Variants in CHL1 observed in about 807,000 individuals in gnomAD.
CHL1 encodes neural cell adhesion molecule L1-like protein.
In CHL1, 96 loss-of-function variants were observed where a neutral mutation model predicts 141.9. The ratio of observed to expected loss-of-function variants is 0.68; its 90% CI spans 0.57 to 0.80. The LOEUF (loss-of-function observed/expected upper bound fraction) is 0.80. CHL1 is among the 30% of genes least tolerant of loss of function. The pLI, the probability that CHL1 is intolerant of heterozygous loss-of-function variation, is 0.00. For missense variants in CHL1, 1,820 were observed against 1,457.2 expected (o/e 1.25, Z -4.05); for synonymous variants, 613 against 502.2 (o/e 1.22, Z -2.95).
At chr3:308,485 A>C (rs1699441562) in intron 2 of CHL1, among the ~76,000 whole-genome samples, 1 of 152,036 alleles carries the variant, frequency 6.6e-6, no homozygotes, top group Non-Finnish European at 1.5e-5. Flanking sequence ...AAGTAGATTA[A>C]AACCATCCAA....
At chr3:350,015 C>G (rs1041756736) in intron 10 of CHL1, among the ~76,000 whole-genome samples, 1 of 152,144 alleles carries the variant, frequency 6.6e-6, no homozygotes, top group Non-Finnish European at 1.5e-5. Flanking sequence ...AAGAGGCAGG[C>G]AAATTGTTGT....
chr3:358,508 C>A (rs1703918908), intron 11 of CHL1, among the ~76,000 whole-genome samples: 1 of 152,108 alleles, frequency 6.6e-6, no homozygotes, highest in Admixed American at 6.6e-5. Flanking sequence ...GGACTTAGAA[C>A]GTGTACATCT....
intron 27 of CHL1, among the ~76,000 whole-genome samples, chr3:403,483 G>A (rs1709300959): frequency 6.6e-6 from 1 of 152,054 alleles, no homozygotes; most frequent in Non-Finnish European, 1.5e-5. Flanking sequence ...GGAGGCGGAG[G>A]TTGCAGTAAG....
chr3:399,202 A>C (rs1708916067), intron 26 of CHL1, 54 bp downstream of exon 26: 1 of 1,461,004 alleles, frequency 6.8e-7, no homozygotes, highest in South Asian at 1.2e-5. Flanking sequence ...TTTTCTGGGA[A>C]GCATTCTTCA....
chr3:364,139 A>C (rs1250629863), intron 14 of CHL1: 1 of 151,334 alleles, frequency 6.6e-6, no homozygotes, highest in Non-Finnish European at 1.5e-5. Flanking sequence ...CTCTTCCCAT[A>C]TATATCCTTC....
intron 23 of CHL1, among the ~76,000 whole-genome samples, chr3:394,383 G>T (rs1477640053): frequency 1.3e-5 from 2 of 152,084 alleles, no homozygotes; most frequent in African/African-American, 2.4e-5. Flanking sequence ...GGAGCAGCTG[G>T]CTCCAATATA....
At chr3:284,325 T>C (rs909003783) in intron 2 of CHL1, among the ~76,000 whole-genome samples, 1 of 152,188 alleles carries the variant, frequency 6.6e-6, no homozygotes, top group Non-Finnish European at 1.5e-5. Flanking sequence ...ATTTATTCAT[T>C]AATTTTACTT....
At position 343,150 on chromosome 3, in the gene CHL1, T is replaced by C. The variant is rs1264583477; in HGVS notation, c.727+119T>C. ...TACAATACTGTTATTATGAAAAACA[T>C]CTGAACTTAGAGGGTTCTATTGCCC... On this transcript the variant is annotated intron_variant, in intron 8 of 27. Transcript: ENST00000256509. 7 of 743,486 alleles carry C rather than the reference T, an allele frequency of 9.4e-6. No individual in the cohort carries two copies. The South Asian group carries it at 9.6e-5, about 10-fold the overall frequency. 46.1% of individuals were successfully genotyped at this position (743,486 alleles called of 1,614,324 possible).
intron 2 of CHL1, among the ~76,000 whole-genome samples, chr3:267,048 A>T (rs1374421878): frequency 6.6e-6 from 1 of 152,174 alleles, no homozygotes; most frequent in Admixed American, 6.6e-5. Flanking sequence ...TGATGAATCT[A>T]TATTGATAAA....
intron 20 of CHL1, among the ~76,000 whole-genome samples, chr3:389,971 A>AG (rs1201826144): frequency 1.3e-5 from 2 of 152,188 alleles, no homozygotes; most frequent in Non-Finnish European, 2.9e-5. Flanking sequence ...TGCTGCAAAT[A>AG]GGTTATTGGA....
At chr3:252,542 G>A (rs566269909) in intron 2 of CHL1, among the ~76,000 whole-genome samples, 101 of 151,188 alleles carry the variant, frequency 6.7e-4, no homozygotes, top group African/African-American at 2.0e-3. Flanking sequence ...TTGTCCTTAC[G>A]TTATAGGTTA....
At chr3:238,769 AC>A (rs1692241842) in intron 1 of CHL1, among the ~76,000 whole-genome samples, 80 of 52,106 alleles carry the variant, frequency 1.5e-3, no homozygotes, top group African/African-American at 3.1e-3. Context: ...TACTAAAAAT[AC>A]AAAAAAAAAA....
chr3:375,852 G>A (rs1706246770), intron 15 of CHL1, among the ~76,000 whole-genome samples: 1 of 152,108 alleles, frequency 6.6e-6, no homozygotes, highest in Non-Finnish European at 1.5e-5. Context: ...CGCAAACACA[G>A]GTCTCCAAAG....
intron 1 of CHL1, among the ~76,000 whole-genome samples, chr3:233,483 T>G (rs1263613706): frequency 6.6e-6 from 1 of 152,208 alleles, no homozygotes; most frequent in Non-Finnish European, 1.5e-5. Context: ...TTAGCTTGTT[T>G]ATTTTGATGT....
chr3:308,571 G>A (rs1471166722), intron 2 of CHL1: 1 of 150,578 alleles, frequency 6.6e-6, no homozygotes, highest in East Asian at 1.9e-4. Flanking sequence ...TATAAACATA[G>A]GGAGATTATA....
chr3:213,575 C>T (rs1237193542), intron 1 of CHL1: 1 of 152,094 alleles, frequency 6.6e-6, no homozygotes, highest in Non-Finnish European at 1.5e-5. Flanking sequence ...GTGTTGTGAG[C>T]CTCCAATCTA....
intron 2 of CHL1, among the ~76,000 whole-genome samples, chr3:307,767 G>A (rs1469037242): frequency 6.6e-6 from 1 of 151,742 alleles, no homozygotes; most frequent in East Asian, 1.9e-4. Context: ...AGTACATGTA[G>A]TAACCAGTGC....
In CHL1 at chr3:371,014, T is replaced by A. The variant is rs185597453; in HGVS notation, c.1751+4899T>A. Among the ~76,000 whole-genome samples, 422 of 152,330 alleles carry A rather than the reference T, an allele frequency of 2.8e-3. 2 individuals are homozygous for A. Among genetic ancestry groups the A allele is most frequent in the African/African-American group, 9.6e-3 (401 of 41,570 alleles). ...TTTTTGTATTTGCTGAGGAGTGTTT[T>A]ACTTCAAATTATGTGGTGGGTTTTA... On this transcript the variant is annotated intron_variant, in intron 15 of 27. Transcript: ENST00000256509.
At chr3:242,150 G>T (rs934660605) in intron 1 of CHL1, among the ~76,000 whole-genome samples, 1 of 152,062 alleles carries the variant, frequency 6.6e-6, no homozygotes, top group East Asian at 1.9e-4. Flanking sequence ...GTTTAAAAAT[G>T]AGATGAAAAA....
Sources: gnomAD v4.1 joint callset for allele counts (sites outside exome capture counted in the v4.1 genomes callset) on GRCh38, gnomAD v4.1.1 for gene constraint, MANE v1.5 for transcripts, NCBI Gene and HGNC (gene_info 2026-07-23, HGNC 2026-07-21) for gene names.